The following ADGRB1 variants were observed in gnomAD, a reference collection of about 807,000 sequenced individuals.
ADGRB1 encodes adhesion G protein-coupled receptor B1, also known as brain-specific angiogenesis inhibitor 1.
In ADGRB1, 36 loss-of-function variants were observed where a neutral mutation model predicts 175.7. The ratio of observed to expected loss-of-function variants is 0.20; its 90% CI spans 0.16 to 0.27. The LOEUF is 0.27. ADGRB1 is among the 10% of genes least tolerant of loss of function. The pLI is 1.00. For missense variants in ADGRB1, 1,731 were observed against 2,255.3 expected (o/e 0.77, Z 4.71); for synonymous variants, 1,054 against 979.4 (o/e 1.08, Z -1.42).
rs565162919 is a variant in ADGRB1, at chr8:142,502,162, G to T, written c.2676-8770G>T. 2.0e-5 allele frequency among the ~76,000 whole-genome samples: 3 copies of T among 151,840 alleles called. 1 individual carries two copies. Among genetic ancestry groups the T allele is most frequent in the African/African-American group, 7.2e-5 (3 of 41,390 alleles). On this transcript the variant is annotated intron_variant, in intron 17 of 30. Coordinates refer to ENST00000517894, the MANE Select transcript of ADGRB1 (RefSeq NM_001702.3). ...GAGTGGTGGTGGTGATGATGGGGTG[G>T]TGGTAGTAATGGTTGCGTGGTTTTG...
intron 2 of ADGRB1, among the ~76,000 whole-genome samples, chr8:142,468,749 C>T (rs554037829): frequency 2.0e-5 from 3 of 152,348 alleles, no homozygotes; most frequent in African/African-American, 7.2e-5. Flanking sequence ...CTACCCTGAC[C>T]GTCCTGTTGA....
At chr8:142,528,948 G>A (rs1365481328) in intron 24 of ADGRB1, among the ~76,000 whole-genome samples, 1 of 152,168 alleles carries the variant, frequency 6.6e-6, no homozygotes, top group Non-Finnish European at 1.5e-5. Context: ...GGTCAGTCCT[G>A]TCCCTCTGGG....
At chr8:142,532,088 A>G (rs1844652961) in intron 24 of ADGRB1, among the ~76,000 whole-genome samples, 2 of 152,054 alleles carry the variant, frequency 1.3e-5, no homozygotes, top group African/African-American at 4.8e-5. Flanking sequence ...TTCTGACCGC[A>G]CACCTGGGCC....
At chr8:142,462,147 T>C (rs1238811776) in intron 1 of ADGRB1, among the ~76,000 whole-genome samples, 2 of 152,132 alleles carry the variant, frequency 1.3e-5, no homozygotes, top group Non-Finnish European at 2.9e-5. Context: ...CTGCCACGAA[T>C]GCGCCAGGAT....
At chr8:142,485,008 T>C (rs1431089491) in intron 13 of ADGRB1, among the ~76,000 whole-genome samples, 4 of 152,218 alleles carry the variant, frequency 2.6e-5, no homozygotes. Context: ...AACCAGCGCT[T>C]CGCATGTACC....
intron 2 of ADGRB1, among the ~76,000 whole-genome samples, chr8:142,468,297 C>A (rs1840399465): frequency 1.3e-5 from 2 of 152,108 alleles, no homozygotes; most frequent in South Asian, 2.1e-4. Flanking sequence ...TGTATCCAGG[C>A]TGGGCTCTGT....
At chr8:142,469,247 G>A (rs760351922) in intron 2 of ADGRB1, among the ~76,000 whole-genome samples, 1 of 152,042 alleles carries the variant, frequency 6.6e-6, no homozygotes, top group Non-Finnish European at 1.5e-5. Flanking sequence ...GTGCACACAT[G>A]CATGTGTGTG....
At position 142,543,517 on chromosome 8, in the gene ADGRB1, G is replaced by A. The variant is rs1207122787; in HGVS notation, c.4449+79G>A. ...CTCCCACACGGCCAGGCAGCTCCCC[G>A]GCAGCCAGGGGACGGGCGGGGCAGG... On this transcript the variant is annotated intron_variant, in intron 29 of 30. Transcript: ENST00000517894. The surrounding 1 kb of genome is among the most constrained non-coding windows in gnomAD (Gnocchi z 4.4). 32 of 1,604,010 alleles carry A rather than the reference G, an allele frequency of 2.0e-5. No homozygotes were observed. Among genetic ancestry groups the A allele is most frequent in the South Asian group, 1.0e-4 (9 of 89,718 alleles).
At chr8:142,541,208 C>T (rs954676095) in intron 27 of ADGRB1, among the ~76,000 whole-genome samples, 20 of 151,922 alleles carry the variant, frequency 1.3e-4, no homozygotes, top group Non-Finnish European at 1.5e-4. Context: ...CAGGGGCAGG[C>T]GGCTGGGTCA....
intron 24 of ADGRB1, among the ~76,000 whole-genome samples, chr8:142,528,430 G>A (rs1025571288): frequency 6.6e-6 from 1 of 152,196 alleles, no homozygotes; most frequent in African/African-American, 2.4e-5. Flanking sequence ...CGTCCCTGTT[G>A]GGGCCCAGGC....
intron 1 of ADGRB1, among the ~76,000 whole-genome samples, chr8:142,463,167 C>T (rs571201173): frequency 1.8e-4 from 27 of 152,304 alleles, no homozygotes; most frequent in African/African-American, 5.5e-4. Flanking sequence ...TGAGGTGGCT[C>T]CTGGTGGCTC....
chr8:142,457,249 G>C (rs189771070), intron 1 of ADGRB1, among the ~76,000 whole-genome samples: 16 of 152,334 alleles, frequency 1.1e-4, no homozygotes, highest in Non-Finnish European at 2.4e-4. Flanking sequence ...CTCTGGGCCT[G>C]TATCCACGTC....
chr8:142,489,188 G>T, intron 15 of ADGRB1, 78 bp downstream of exon 15: 2 of 1,546,386 alleles, frequency 1.3e-6, no homozygotes, highest in Non-Finnish European at 1.8e-6. Flanking sequence ...GGATGTGAAG[G>T]GGGAGGCCAG....
At chr8:142,470,626 G>C (rs1026810349) in intron 2 of ADGRB1, among the ~76,000 whole-genome samples, 1 of 152,136 alleles carries the variant, frequency 6.6e-6, no homozygotes, top group Non-Finnish European at 1.5e-5. Context: ...CCCTGTGTGC[G>C]TCCTCTGTGT....
intron 21 of ADGRB1, 88 bp downstream of exon 21, chr8:142,522,203 C>G: frequency 1.3e-6 from 2 of 1,514,594 alleles, no homozygotes; most frequent in Non-Finnish European, 1.8e-6. Context: ...CTCTCCCCAT[C>G]CCCTGTGGAC....
intron 3 of ADGRB1, 80 bp from the exon 4 acceptor site, chr8:142,476,494 CCAGTGCTGCCG>C: frequency 8.4e-7 from 1 of 1,193,460 alleles, no homozygotes. Context: ...GCCAGGTGGC[CCAGTGCTGCCG>C]AACTCAGAGC....
intron 2 of ADGRB1, among the ~76,000 whole-genome samples, chr8:142,465,731 G>A (rs1840240597): frequency 6.6e-6 from 1 of 152,192 alleles, no homozygotes; most frequent in Non-Finnish European, 1.5e-5. Context: ...CTCATGGCAG[G>A]GTTGCCATTG....
intron 13 of ADGRB1, among the ~76,000 whole-genome samples, chr8:142,487,209 G>A (rs969574678): frequency 8.6e-5 from 13 of 151,890 alleles, no homozygotes; most frequent in Admixed American, 1.3e-4. Context: ...GCCCTCCACC[G>A]CCCCTCGATG....
intron 1 of ADGRB1, among the ~76,000 whole-genome samples, chr8:142,457,835 G>A (rs985067107): frequency 4.6e-5 from 7 of 152,178 alleles, no homozygotes; most frequent in Non-Finnish European, 7.4e-5. Context: ...AAGTTGTCCT[G>A]GGCCCATGTC....
Sources: gnomAD v4.1 joint callset for allele counts (sites outside exome capture counted in the v4.1 genomes callset) on GRCh38, gnomAD v4.1.1 for gene constraint, Gnocchi (gnomAD v3.1) non-coding constraint, MANE v1.5 for transcripts, NCBI Gene and HGNC (gene_info 2026-07-23, HGNC 2026-07-21) for gene names.